The following CHD5 variants were observed in gnomAD, a reference collection of about 807,000 sequenced individuals.
CHD5 encodes ATP-dependent chromatin remodeler CHD5.
Under a neutral mutation model 230.3 loss-of-function variants are expected in CHD5, and 69 were observed. The ratio of observed to expected loss-of-function variants is 0.30; its 90% CI spans 0.25 to 0.37. The LOEUF (loss-of-function observed/expected upper bound fraction) is 0.37. Among genes scored for constraint, CHD5 ranks in the 10% least tolerant of loss-of-function variants. The probability of loss-of-function intolerance (pLI) is 1.00; values close to 1 mark genes in which losing one functional copy is unlikely to be tolerated. For synonymous variants in CHD5, 1,064 were observed against 1,065.9 expected (o/e 1.00, Z 0.03); for missense variants, 1,827 against 2,622.8 (o/e 0.70, Z 6.63).
intron 2 of CHD5, among the ~76,000 whole-genome samples, chr1:6,161,909 T>C (rs942576278): frequency 1.3e-5 from 2 of 152,120 alleles, no homozygotes; most frequent in Non-Finnish European, 2.9e-5. Context: ...CTACCGAGGA[T>C]GAAGTTGAGG....
chr1:6,134,397 C>T lies in CHD5; in HGVS notation c.3013-138G>A, dbSNP rs1465906439. 1.8e-6 allele frequency: 2 copies of T among 1,122,626 alleles called. No homozygotes were observed. Among genetic ancestry groups the T allele is most frequent in the East Asian group, 2.4e-5 (1 of 41,708 alleles). The allele number at this position is 1,122,626 out of a possible 1,614,324, so 69.5% of individuals were successfully genotyped here. A position where few individuals can be genotyped will look rare whatever the true frequency, so the allele number is the denominator to read the frequency against. On this transcript the variant is annotated intron_variant, in intron 19 of 41. Coordinates refer to ENST00000262450, the MANE Select transcript of CHD5 (RefSeq NM_015557.3). This position sits in a 1 kb window ranked among gnomAD's most constrained non-coding sequence, Gnocchi z 6.3. Reference sequence around the variant, plus strand: ...CTGCCCACTGAACATGAGACCCACACCCGAGCCAGGCCAGGCCCCACAGTG... The same window carrying T: ...CTGCCCACTGAACATGAGACCCACATCCGAGCCAGGCCAGGCCCCACAGTG...
At chr1:6,156,922 T>C (rs1667089314) in intron 3 of CHD5, among the ~76,000 whole-genome samples, 1 of 152,246 alleles carries the variant, frequency 6.6e-6, no homozygotes, top group Admixed American at 6.5e-5. Context: ...GTTCTGATCC[T>C]GGCTCTGCCA....
At chr1:6,177,312 G>A (rs749331431) in intron 1 of CHD5, among the ~76,000 whole-genome samples, 2 of 152,226 alleles carry the variant, frequency 1.3e-5, no homozygotes, top group Admixed American at 6.5e-5. Context: ...CCAGCAGTGC[G>A]ACTTGACAGG....
intron 1 of CHD5, among the ~76,000 whole-genome samples, chr1:6,172,304 G>T (rs991294840): frequency 6.6e-6 from 1 of 152,138 alleles, no homozygotes; most frequent in Non-Finnish European, 1.5e-5. Context: ...ACTCAGAGAG[G>T]GGTACTATTC....
intron 20 of CHD5, among the ~76,000 whole-genome samples, chr1:6,132,505 CA>C (rs2100849177): frequency 6.6e-6 from 1 of 152,336 alleles, no homozygotes; most frequent in South Asian, 2.1e-4. Flanking sequence ...TCCAGGTCTG[CA>C]AACTCTCAAC....
chr1:6,110,647 G>T, intron 36 of CHD5, 121 bp from the exon 37 acceptor site: 2 of 1,033,426 alleles, frequency 1.9e-6, no homozygotes, highest in South Asian at 1.5e-5. Flanking sequence ...TACGCTCTCA[G>T]GCAAGTCCTT....
Position 6,121,012 on chromosome 1 carries a change from T to C in CHD5, c.4912+93A>G. Reference sequence around the variant, plus strand: ...AGTCTACCTCTCTGCCAGGGAGAAATGAGCGGAAGTACAGCCACCTGCCCT... The same window carrying C: ...AGTCTACCTCTCTGCCAGGGAGAAACGAGCGGAAGTACAGCCACCTGCCCT... On this transcript the variant is annotated intron_variant, in intron 33 of 41. Transcript: ENST00000262450. This position sits in a 1 kb window ranked among gnomAD's most constrained non-coding sequence, Gnocchi z 4.5. 1 of 1,365,900 alleles carries C rather than the reference T, an allele frequency of 7.3e-7. No individual in the cohort carries two copies. Among genetic ancestry groups the C allele is most frequent in the South Asian group, 1.6e-5 (1 of 63,324 alleles). 84.6% of individuals were successfully genotyped at this position (1,365,900 alleles called of 1,614,324 possible). A position where few individuals can be genotyped will look rare whatever the true frequency, so the allele number is the denominator to read the frequency against.
At chr1:6,124,390 G>T in intron 30 of CHD5, 127 bp downstream of exon 30, 1 of 1,122,966 alleles carries the variant, frequency 8.9e-7, no homozygotes, top group Non-Finnish European at 1.3e-6. Context: ...CCTCTGGAGT[G>T]ACTCGGACCC....
At chr1:6,111,577 G>T (rs1226018482) in intron 36 of CHD5, among the ~76,000 whole-genome samples, 198 bp downstream of exon 36, 1 of 151,736 alleles carries the variant, frequency 6.6e-6, no homozygotes, top group Non-Finnish European at 1.5e-5. Flanking sequence ...CCCAGACAGA[G>T]ACACATAAGG....
At position 6,148,958 on chromosome 1, in the gene CHD5, C is replaced by T. The variant is rs2100863089; in HGVS notation, c.1279G>A (p.Glu427Lys). ...GGGCAGGCGTCGCAGCAGAGCAGCT[C>T]GCCCCCGTCCTTGCACACGCGGCAG... Reference protein sequence around the residue: ...EFCRVCKDGGELLCCDACPSS... With the variant: ...EFCRVCKDGGKLLCCDACPSS... Residue 427 changes from glutamate to lysine, a missense_variant, in exon 9 of 42, where the codon GAG (glutamate) becomes AAG (lysine). By Grantham distance (56) the Glu-to-Lys change is moderately conservative. Around this residue, in one of 14 missense-constraint regions of CHD5, gnomAD observed 657 missense variants for 816.4 expected, o/e 0.80. Transcript: ENST00000262450. 6.2e-7 allele frequency: 1 copy of T among 1,605,308 alleles called. No individual in the cohort carries two copies. The highest frequency in any genetic ancestry group is 8.5e-7 in the Non-Finnish European group (1 of 1,176,078).
chr1:6,108,803 G>A (rs1666238652), intron 38 of CHD5, among the ~76,000 whole-genome samples: 2 of 150,486 alleles, frequency 1.3e-5, no homozygotes, highest in Non-Finnish European at 3.0e-5. Context: ...ATGGAGGTGT[G>A]GAAGGATGGA....
chr1:6,128,178 A>G lies in CHD5; in HGVS notation c.3771T>C (p.Tyr1257=), dbSNP rs764392640. ...KDVEDSSVIH[Y]DDAAISKLLD... Reference sequence around the variant, plus strand: ...GCAGCTTGGAGATGGCCGCATCGTCATAGTGGATCACACTGCTGTCCTCCA... The same window carrying G: ...GCAGCTTGGAGATGGCCGCATCGTCGTAGTGGATCACACTGCTGTCCTCCA... Residue 1257 remains tyrosine, a synonymous_variant, in exon 25 of 42, where the codon TAT becomes TAC. Transcript: ENST00000262450. This position sits in a 1 kb window ranked among gnomAD's most constrained non-coding sequence, Gnocchi z 7.8. 4 of 1,614,048 alleles carry G rather than the reference A, an allele frequency of 2.5e-6. No homozygotes were observed. The African/African-American group carries it at 5.3e-5, about 22-fold the overall frequency.
chr1:6,151,208 G>A (rs996792523), intron 6 of CHD5, 53 bp from the exon 7 acceptor site: 24 of 1,550,272 alleles, frequency 1.5e-5, no homozygotes, highest in East Asian at 4.7e-5. Flanking sequence ...AGAAGGCTTC[G>A]CTGGCCCAGG....
In CHD5 at chr1:6,134,185, T is replaced by A; in HGVS notation, c.3087A>T (p.Leu1029=). 1 of 1,613,876 alleles carries A rather than the reference T, an allele frequency of 6.2e-7. No homozygotes were observed. The highest frequency in any genetic ancestry group is 1.1e-5 in the South Asian group (1 of 91,084). ...CCCGCAGTTTCTTCAGCATCTTCTGTAGCAGCATGAGCTTCCCTGAAGACT... is the reference window on the plus strand; with the variant it reads ...CCCGCAGTTTCTTCAGCATCTTCTGAAGCAGCATGAGCTTCCCTGAAGACT... The part of the protein sequence containing the change: ...LVKSSGKLML[L]QKMLKKLRDE... The change falls in exon 20 of 42, where the codon CTA becomes CTT. Residue 1029 remains leucine (L), a synonymous_variant. Transcript: ENST00000262450. This position sits in a 1 kb window ranked among gnomAD's most constrained non-coding sequence, Gnocchi z 6.3.
rs576906587 is a variant in CHD5 at position 6,128,163 on chromosome 1, G to A, written c.3786C>T (p.Ile1262=). Residue 1262 remains isoleucine (I), a synonymous_variant, in exon 25 of 42, where the codon ATC becomes ATT. Transcript: ENST00000262450. This position sits in a 1 kb window ranked among gnomAD's most constrained non-coding sequence, Gnocchi z 7.8. Reference sequence around the variant, plus strand: ...CCTGGTTCCGGTCCAGCAGCTTGGAGATGGCCGCATCGTCATAGTGGATCA... The same window carrying A: ...CCTGGTTCCGGTCCAGCAGCTTGGAAATGGCCGCATCGTCATAGTGGATCA... ...SSVIHYDDAA[I]SKLLDRNQDA... is the part of the protein sequence containing the mutation. 1.2e-6 allele frequency: 2 copies of A among 1,614,206 alleles called. No individual in the cohort carries two copies. Among genetic ancestry groups the A allele is most frequent in the South Asian group, 1.1e-5 (1 of 91,090 alleles).
intron 31 of CHD5, among the ~76,000 whole-genome samples, chr1:6,122,936 GGC>G (rs1666494180): frequency 6.6e-6 from 1 of 152,094 alleles, no homozygotes. Context: ...CAGGTGTGGT[GGC>G]GGGCACCTGT....
At position 6,106,856 on chromosome 1, in the gene CHD5, ATGGAGGGG is replaced by A. The variant is rs1286569019; in HGVS notation, c.5579-85_5579-78del. ...GATGGAGGAGTGGAAGGATGGAGGG[ATGGAGGGG>A]TGGAGGGGTGGAGGGGTGGAGCAGT... On this transcript the variant is annotated intron_variant, in intron 38 of 41. Coordinates refer to ENST00000262450, the MANE Select transcript of CHD5 (RefSeq NM_015557.3). 38 of 307,230 alleles carry A rather than the reference ATGGAGGGG, an allele frequency of 1.2e-4. 2 individuals carry two copies. The highest frequency in any genetic ancestry group is 9.1e-4 in the East Asian group (9 of 9,886). 19.0% of individuals were successfully genotyped at this position (307,230 alleles called of 1,614,324 possible).
chr1:6,123,985 G>A lies in CHD5; in HGVS notation c.4662C>T (p.Ser1554=), dbSNP rs931510197. Reference sequence around the variant, plus strand: ...GCGGGGCTGGCAGGAGGTGGGCAGGGCTGGCGGGCACTGGTGTGTTGGGGT... The same window carrying A: ...GCGGGGCTGGCAGGAGGTGGGCAGGACTGGCGGGCACTGGTGTGTTGGGGT... ...SSDPNTPVPA[S]PAHLLPAPLG... The change falls in exon 31 of 42, where the codon AGC becomes AGT. Residue 1554 remains serine, a synonymous_variant. Coordinates refer to ENST00000262450, the MANE Select transcript of CHD5 (RefSeq NM_015557.3). 3.7e-6 allele frequency: 6 copies of A among 1,606,232 alleles called. No individual in the cohort carries two copies. Among genetic ancestry groups the A allele is most frequent in the South Asian group, 1.1e-5 (1 of 89,962 alleles).
At chr1:6,112,461 G>T (rs892551736) in intron 34 of CHD5, among the ~76,000 whole-genome samples, 184 bp from the exon 35 acceptor site, 2 of 152,160 alleles carry the variant, frequency 1.3e-5, no homozygotes, top group Non-Finnish European at 1.5e-5. Context: ...GGGCAGGGAG[G>T]CTTAGCTCCA....
Sources: allele counts gnomAD v4.1 joint callset (sites outside exome capture counted in the v4.1 genomes callset), GRCh38; gene constraint gnomAD v4.1.1; regional missense constraint gnomAD v4.1.1; non-coding constraint Gnocchi (gnomAD v3.1); transcripts MANE v1.5; gene names NCBI Gene and HGNC (gene_info 2026-07-23, HGNC 2026-07-21).